KCNH1: variants seen among roughly 807,000 people sequenced by gnomAD.
KCNH1 encodes the protein voltage-gated delayed rectifier potassium channel KCNH1.
In KCNH1, 27 loss-of-function variants were observed where a neutral mutation model predicts 69.2. The observed-to-expected ratio is 0.39, with a 90% CI of 0.29 to 0.54. The LOEUF (loss-of-function observed/expected upper bound fraction) is 0.54. Among genes scored for constraint, KCNH1 ranks in the 20% least tolerant of loss-of-function variants. KCNH1 has a pLI of 0.68. For synonymous variants in KCNH1, 456 were observed against 487.7 expected, an observed-to-expected ratio of 0.93 and a Z score of 0.86; for missense variants, 798 against 1,261.6, an observed-to-expected ratio of 0.63 and a Z score of 5.57.
chr1:210,920,291 C>A (rs1342394954), intron 6 of KCNH1, among the ~76,000 whole-genome samples: 2 of 152,050 alleles, frequency 1.3e-5, no homozygotes, highest in African/African-American at 4.8e-5. Flanking sequence ...TAAGCAAGCA[C>A]ACAAAACAAA....
chr1:210,954,651 A>G (rs1347868674), intron 6 of KCNH1, among the ~76,000 whole-genome samples: 2 of 152,202 alleles, frequency 1.3e-5, no homozygotes, highest in African/African-American at 4.8e-5. Context: ...TTCTCTGATG[A>G]CCAGTGATGA....
At chr1:211,074,730 A>C (rs1422718527) in intron 5 of KCNH1, among the ~76,000 whole-genome samples, 2 of 152,230 alleles carry the variant, frequency 1.3e-5, no homozygotes, top group African/African-American at 2.4e-5. Flanking sequence ...AGGAAAAGAT[A>C]TAATCCTCTG....
At chr1:210,821,132 G>A (rs1478265182) in intron 7 of KCNH1, among the ~76,000 whole-genome samples, 1 of 152,156 alleles carries the variant, frequency 6.6e-6, no homozygotes, top group Non-Finnish European at 1.5e-5. Flanking sequence ...TCACTAGAGT[G>A]CTTTGAACCT....
At chr1:210,946,247 T>A (rs1252806270) in intron 6 of KCNH1, among the ~76,000 whole-genome samples, 1 of 152,138 alleles carries the variant, frequency 6.6e-6, no homozygotes, top group Non-Finnish European at 1.5e-5. Context: ...TTGTACTTTC[T>A]GTGGGAACTT....
chr1:211,119,491 C>T (rs1691648681), intron 1 of KCNH1, among the ~76,000 whole-genome samples: 1 of 151,230 alleles, frequency 6.6e-6, no homozygotes, highest in African/African-American at 2.4e-5. Flanking sequence ...AGACAAAGAC[C>T]AGAAAACAAT....
At chr1:210,799,249 A>T (rs920917399) in intron 8 of KCNH1, among the ~76,000 whole-genome samples, 5 of 152,204 alleles carry the variant, frequency 3.3e-5, no homozygotes, top group Admixed American at 3.3e-4. Context: ...TACAGATGAG[A>T]AAACTGAGAC....
intron 10 of KCNH1, among the ~76,000 whole-genome samples, chr1:210,774,368 A>G (rs1046790738): frequency 1.3e-5 from 2 of 152,142 alleles, no homozygotes; most frequent in Admixed American, 1.3e-4. Flanking sequence ...GGATGAAGGC[A>G]AAGTACTGAC....
intron 1 of KCNH1, among the ~76,000 whole-genome samples, chr1:211,114,180 A>G (rs1463503917): frequency 6.6e-6 from 1 of 152,076 alleles, no homozygotes; most frequent in Non-Finnish European, 1.5e-5. Flanking sequence ...GACCCAAGGA[A>G]CAAGAGGGGA....
At position 211,076,013 on chromosome 1, in the gene KCNH1, G is replaced by A. The variant is rs190134813; in HGVS notation, c.558+6767C>T. Among the ~76,000 whole-genome samples, 731 of 152,370 alleles carry A rather than the reference G, an allele frequency of 4.8e-3. 6 individuals are homozygous for A. The highest frequency in any genetic ancestry group is 8.1e-3 in the Non-Finnish European group (552 of 68,032). On this transcript the variant is annotated intron_variant, in intron 5 of 10. Coordinates refer to ENST00000271751, the MANE Select transcript of KCNH1 (RefSeq NM_172362.3). ...CAGTCTGAGATTGACCTGCGAGGCA[G>A]CAGCCTGGCAGGGGGAGGGGCATCC...
intron 5 of KCNH1, among the ~76,000 whole-genome samples, chr1:211,022,192 T>G (rs1327454422): frequency 1.3e-5 from 2 of 152,080 alleles, no homozygotes; most frequent in East Asian, 3.8e-4. Context: ...ATGAACTCAT[T>G]TTCAACAAAG....
intron 3 of KCNH1, among the ~76,000 whole-genome samples, chr1:211,098,666 T>C (rs1474933772): frequency 1.3e-5 from 2 of 152,008 alleles, no homozygotes; most frequent in Non-Finnish European, 2.9e-5. Context: ...CTTGTAAAAA[T>C]GAGTGGGAAA....
At chr1:210,761,885 G>A (rs1201354835) in intron 10 of KCNH1, among the ~76,000 whole-genome samples, 2 of 152,028 alleles carry the variant, frequency 1.3e-5, no homozygotes, top group East Asian at 1.9e-4. Flanking sequence ...TTTGGTACTC[G>A]ACCAATCGGA....
chr1:210,804,242 C>T, intron 7 of KCNH1, 76 bp from the exon 8 acceptor site: 1 of 1,339,990 alleles, frequency 7.5e-7, no homozygotes, highest in Non-Finnish European at 1.0e-6. Flanking sequence ...GAATGCTCAG[C>T]TTGCTCAGAG....
intron 10 of KCNH1, among the ~76,000 whole-genome samples, chr1:210,694,977 A>G (rs886910292): frequency 6.6e-6 from 1 of 152,228 alleles, no homozygotes; most frequent in African/African-American, 2.4e-5. Flanking sequence ...AGAAGGACCA[A>G]CTGAGAATGA....
rs540200604 is a variant in KCNH1 at position 210,748,332 on chromosome 1, A to C, written c.2112+27016T>G. Among the ~76,000 whole-genome samples, 243 of 152,296 alleles carry C rather than the reference A, an allele frequency of 1.6e-3. 1 individual carries two copies. Among genetic ancestry groups the C allele is most frequent in the African/African-American group, 5.7e-3 (235 of 41,546 alleles). Reference sequence around the variant, plus strand: ...ACATCTCACACTCAATCTGCCTCATAGACAGTCACTTTTAGAAACAGAAGG... The same window carrying C: ...ACATCTCACACTCAATCTGCCTCATCGACAGTCACTTTTAGAAACAGAAGG... On this transcript the variant is annotated intron_variant, in intron 10 of 10. Transcript: ENST00000271751.
In KCNH1 at chr1:210,976,796, T is replaced by C. The variant is rs189823373; in HGVS notation, c.1032+41987A>G. On this transcript the variant is annotated intron_variant, in intron 6 of 10. Transcript: ENST00000271751. ...AGTTAGAATGGGGATTATTAAAAAGTCAAGAAACAACAGGTGCTGGAGAGG... is the reference window on the plus strand; with the variant it reads ...AGTTAGAATGGGGATTATTAAAAAGCCAAGAAACAACAGGTGCTGGAGAGG... 6.5e-4 allele frequency among the ~76,000 whole-genome samples: 97 copies of C among 149,706 alleles called. 2 individuals carry two copies. The highest frequency in any genetic ancestry group is 2.5e-3 in the Admixed American group (37 of 14,908).
chr1:211,009,702 G>A (rs1171779166), intron 6 of KCNH1, among the ~76,000 whole-genome samples: 3 of 151,678 alleles, frequency 2.0e-5, no homozygotes, highest in South Asian at 2.1e-4. Context: ...TCCACCTCCC[G>A]GGTTCAAGCA....
At chr1:210,700,251 G>T (rs886343451) in intron 10 of KCNH1, among the ~76,000 whole-genome samples, 1 of 152,196 alleles carries the variant, frequency 6.6e-6, no homozygotes, top group Admixed American at 6.5e-5. Flanking sequence ...ACTGAGCAGG[G>T]AATGAAACAC....
At chr1:210,831,743 C>T (rs1685165039) in intron 7 of KCNH1, among the ~76,000 whole-genome samples, 1 of 152,162 alleles carries the variant, frequency 6.6e-6, no homozygotes, top group African/African-American at 2.4e-5. Flanking sequence ...AAACATTTCC[C>T]CTCTAGGTCT....
Sources: gnomAD v4.1 joint callset for allele counts (sites outside exome capture counted in the v4.1 genomes callset) on GRCh38, gnomAD v4.1.1 for gene constraint, MANE v1.5 for transcripts, NCBI Gene and HGNC (gene_info 2026-07-23, HGNC 2026-07-21) for gene names.